The following ANKRD35 variants were observed in gnomAD, a reference collection of about 807,000 sequenced individuals.
ANKRD35 encodes the protein ankyrin repeat domain-containing protein 35.
Under a neutral mutation model 109.9 loss-of-function variants are expected in ANKRD35, and 102 were observed. The observed-to-expected ratio is 0.93, with a 90% CI of 0.79 to 1.09. ANKRD35 has a LOEUF of 1.09. Among genes scored for constraint, ANKRD35 ranks in the 50% least tolerant of loss-of-function variants. The pLI is 0.00. For synonymous variants in ANKRD35, 515 were observed against 512.4 expected (o/e 1.01, Z -0.07); for missense variants, 1,240 against 1,230.1 (o/e 1.01, Z -0.12).
chr1:145,878,538 G>T, intron 2 of ANKRD35, 59 bp from the exon 3 acceptor site: 1 of 1,480,728 alleles, frequency 6.8e-7, no homozygotes, highest in South Asian at 1.2e-5. Context: ...AGGAATGGGA[G>T]AATCTTGATA....
intron 10 of ANKRD35, among the ~76,000 whole-genome samples, chr1:145,869,331 G>A (rs1026501240): frequency 1.8e-4 from 27 of 152,058 alleles, no homozygotes; most frequent in African/African-American, 5.6e-4. Flanking sequence ...ACAGGCATGC[G>A]CCACCACACT....
At chr1:145,867,174 G>T (rs1289563402) in intron 13 of ANKRD35, 113 bp downstream of exon 13, 2 of 680,834 alleles carry the variant, frequency 2.9e-6, no homozygotes, top group Non-Finnish European at 5.2e-6. Context: ...GCCCCAAAAG[G>T]CTCCCCATTG....
chr1:145,879,140 T>C, intron 2 of ANKRD35, 118 bp downstream of exon 2: 1 of 1,302,302 alleles, frequency 7.7e-7, no homozygotes. Flanking sequence ...TACTTGCTAA[T>C]TAAGACAATG....
chr1:145,874,823 G>GC lies in ANKRD35; in HGVS notation c.743dup (p.Gly249ArgfsTer18). ...TGGAAGTTACACAAGGGCCTTTACCGCCCCGCCGCCGCCGGCTCAGGGCCT... is the reference window on the plus strand; with the variant it reads ...TGGAAGTTACACAAGGGCCTTTACCGCCCCCGCCGCCGCCGGCTCAGGGCCT... On this transcript the variant is annotated frameshift_variant and splice_region_variant, in exon 8 of 14. Transcript: ENST00000355594. LOFTEE classifies it high-confidence loss of function. The GC allele has an allele frequency of 1.9e-6, 3 of 1,585,760 alleles. No homozygotes were observed. The highest frequency in any genetic ancestry group is 2.6e-6 in the Non-Finnish European group (3 of 1,167,470).
rs1553739092 is a variant in ANKRD35, at chr1:145,872,784, G to C, written c.1985C>G (p.Ala662Gly). 1 of 1,613,962 alleles carries C rather than the reference G, an allele frequency of 6.2e-7. No individual in the cohort carries two copies. Among genetic ancestry groups the C allele is most frequent in the African/African-American group, 1.3e-5 (1 of 74,910 alleles). Residue 662 changes from alanine to glycine, a missense_variant, in exon 10 of 14, where the codon GCG becomes GGG. By Grantham distance (60) the Ala-to-Gly change is moderately conservative. Transcript: ENST00000355594. ...TCGCAACTGCTGTAGCTGGACCTGC[G>C]CCTGTGGCTTGGGCACAAACTCCCG... is the stretch of plus-strand genomic sequence containing the variant. ...LQREFVPKPQ[A>G]QVQLQQLRQS...
At chr1:145,875,149 CTT>C (rs1378817119) in intron 7 of ANKRD35, 143 bp from the exon 8 acceptor site, 1,307 of 524,336 alleles carry the variant, frequency 2.5e-3, no homozygotes, top group South Asian at 6.6e-3. Context: ...CTAGACTTCT[CTT>C]TTTTTTTTTT....
intron 1 of ANKRD35, among the ~76,000 whole-genome samples, chr1:145,881,893 A>G (rs587687888): frequency 1.3e-4 from 19 of 151,938 alleles, no homozygotes; most frequent in African/African-American, 4.6e-4. Flanking sequence ...ATAACAGCCA[A>G]GCTGTACAGA....
At chr1:145,883,241 C>T (rs898942332) in intron 1 of ANKRD35, among the ~76,000 whole-genome samples, 6 of 152,070 alleles carry the variant, frequency 3.9e-5, no homozygotes, top group African/African-American at 1.2e-4. Flanking sequence ...CCTGCCACCA[C>T]ACCCGGCTAA....
Position 145,874,822 on chromosome 1 carries a change from C to T in ANKRD35, c.745G>A (p.Gly249Ser), listed in dbSNP as rs782810569. 1.0e-5 allele frequency: 16 copies of T among 1,585,820 alleles called. 1 individual carries two copies. Among genetic ancestry groups the T allele is most frequent in the South Asian group, 2.3e-5 (2 of 86,524 alleles). The part of the protein sequence containing the change: ...QQALSRRRRG[G>S]QRLVQHPDLA... The stretch of plus-strand genomic sequence containing the variant: ...GTGGAAGTTACACAAGGGCCTTTAC[C>T]GCCCCGCCGCCGCCGGCTCAGGGCC... The change falls in exon 8 of 14, where the codon GGT becomes AGT. Residue 249 changes from glycine to serine, a missense_variant and splice_region_variant. Coordinates refer to ENST00000355594, the MANE Select transcript of ANKRD35 (RefSeq NM_144698.5).
At chr1:145,875,043 C>T (rs782383803) in intron 7 of ANKRD35, 37 bp from the exon 8 acceptor site, 5 of 1,543,530 alleles carry the variant, frequency 3.2e-6, no homozygotes, top group Non-Finnish European at 4.4e-6. Flanking sequence ...AGACTTTCCA[C>T]ATGGAACCCA....
intron 4 of ANKRD35, among the ~76,000 whole-genome samples, chr1:145,877,608 A>G (rs1654130741): frequency 6.6e-6 from 1 of 152,162 alleles, no homozygotes; most frequent in Non-Finnish European, 1.5e-5. Flanking sequence ...TTCTCTTTAT[A>G]CTACTAGACT....
At position 145,873,884 on chromosome 1, in the gene ANKRD35, C is replaced by T. The variant is rs587672921; in HGVS notation, c.885G>A (p.Ser295=). The T allele has an allele frequency of 1.2e-5, 20 of 1,614,138 alleles. No individual in the cohort carries two copies. The highest frequency in any genetic ancestry group is 4.5e-5 in the East Asian group (2 of 44,886). Residue 295 remains serine (S), a synonymous_variant, in exon 10 of 14, where the codon TCG becomes TCA. Coordinates refer to ENST00000355594, the MANE Select transcript of ANKRD35 (RefSeq NM_144698.5). ...CTTCATACTTCCACCTCCACTCCTCCGAGCACGGGTCTTCATCCTCCTTCT... is the reference window on the plus strand; with the variant it reads ...CTTCATACTTCCACCTCCACTCCTCTGAGCACGGGTCTTCATCCTCCTTCT... The part of the protein sequence containing the change: ...QEEKEDEDPC[S]EEWRWKYEEE...
At chr1:145,870,598 T>C (rs1315147442) in intron 10 of ANKRD35, among the ~76,000 whole-genome samples, 3 of 152,172 alleles carry the variant, frequency 2.0e-5, no homozygotes, top group East Asian at 1.9e-4. Context: ...TCTCCTTCAA[T>C]GCAACATAAA....
At chr1:145,875,359 G>A (rs1461666346) in intron 7 of ANKRD35, among the ~76,000 whole-genome samples, 8 of 151,848 alleles carry the variant, frequency 5.3e-5, no homozygotes, top group Non-Finnish European at 8.8e-5. Flanking sequence ...TGGTCAGGCT[G>A]GTCTTGAACT....
chr1:145,879,446 A>C, intron 1 of ANKRD35, 58 bp from the exon 2 acceptor site: 1 of 1,380,822 alleles, frequency 7.2e-7, no homozygotes, highest in Non-Finnish European at 9.5e-7. Flanking sequence ...TGGAGAAAGA[A>C]AAGAGGCAAA....
intron 1 of ANKRD35, among the ~76,000 whole-genome samples, chr1:145,880,776 A>G (rs1654256909): frequency 6.6e-6 from 1 of 152,234 alleles, no homozygotes; most frequent in Admixed American, 6.5e-5. Flanking sequence ...TATCCAAACC[A>G]TAAAATTATC....
At position 145,884,595 on chromosome 1, in the gene ANKRD35, A is replaced by G. The variant is rs190164263; in HGVS notation, c.39+1125T>C. 1.6e-4 allele frequency among the ~76,000 whole-genome samples: 25 copies of G among 152,250 alleles called. No homozygotes were observed. In the East Asian group the frequency reaches 4.1e-3, roughly 25 times the overall value. On this transcript the variant is annotated intron_variant, in intron 1 of 13. Coordinates refer to ENST00000355594, the MANE Select transcript of ANKRD35 (RefSeq NM_144698.5). ...CTCTGTAAGAGATCTCTAGAGAAGA[A>G]GAAGCAATACCCTCCCTAAGCCACC...
At chr1:145,868,645 G>A (rs781879895) in intron 10 of ANKRD35, among the ~76,000 whole-genome samples, 28 of 152,160 alleles carry the variant, frequency 1.8e-4, no homozygotes, top group South Asian at 4.1e-4. Context: ...TTGATATTGT[G>A]AACTATACCC....
Position 145,876,653 on chromosome 1 carries a change from G to A in ANKRD35, c.383-14C>T. The A allele has an allele frequency of 6.2e-7, 1 of 1,614,100 alleles. No homozygotes were observed. Among genetic ancestry groups the A allele is most frequent in the East Asian group, 2.2e-5 (1 of 44,882 alleles). On this transcript the variant is annotated splice_polypyrimidine_tract_variant and intron_variant, in intron 5 of 13. Coordinates refer to ENST00000355594, the MANE Select transcript of ANKRD35 (RefSeq NM_144698.5). ...AGCCAGAGGAGGCTGGGGAGAAGAT[G>A]TTTGGGTTAAGGGGAAGCATGAAGA...
Sources: allele counts gnomAD v4.1 joint callset (sites outside exome capture counted in the v4.1 genomes callset), GRCh38; gene constraint gnomAD v4.1.1; transcripts MANE v1.5; gene names NCBI Gene and HGNC (gene_info 2026-07-23, HGNC 2026-07-21).